The following GPC5 variants were observed in gnomAD, a reference collection of about 807,000 sequenced individuals.
GPC5 encodes glypican-5.
A neutral mutation model predicts 53.9 loss-of-function variants in GPC5; 47 were observed. The observed-to-expected ratio is 0.87, with a 90% CI of 0.69 to 1.11. The LOEUF is 1.11. Among genes scored for constraint, GPC5 ranks in the 50% most tolerant of loss-of-function variants. The probability of loss-of-function intolerance (pLI) is 0.00; values close to 1 mark genes in which losing one functional copy is unlikely to be tolerated. For missense variants in GPC5, 748 were observed against 713.1 expected, an observed-to-expected ratio of 1.05 and a Z score of -0.56; for synonymous variants, 286 against 263.3, an observed-to-expected ratio of 1.09 and a Z score of -0.84.
chr13:91,877,162 G>A (rs939946267), intron 5 of GPC5, among the ~76,000 whole-genome samples: 1 of 152,226 alleles, frequency 6.6e-6, no homozygotes, highest in African/African-American at 2.4e-5. Context: ...CCCTCATGGA[G>A]AACCTCTGCC....
At chr13:92,471,257 T>C (rs74107284) in intron 7 of GPC5, among the ~76,000 whole-genome samples, 3,883 of 152,260 alleles carry the variant, frequency 0.026, 189 homozygotes, top group African/African-American at 0.089. Flanking sequence ...TAGCTTTCTA[T>C]AGTTTTAATC....
chr13:92,799,339 C>A (rs1441645771), intron 7 of GPC5, among the ~76,000 whole-genome samples: 1 of 151,754 alleles, frequency 6.6e-6, no homozygotes, highest in African/African-American at 2.4e-5. Context: ...TAGCAGACTT[C>A]TTTATGTATT....
intron 2 of GPC5, among the ~76,000 whole-genome samples, chr13:91,675,252 A>G (rs928742814): frequency 6.6e-6 from 1 of 152,204 alleles, no homozygotes. Context: ...TAAATTTACA[A>G]TAAGTATAAG....
rs1171130904 is a variant in GPC5 at position 92,847,684 on chromosome 13, A to G, written c.1562-18598A>G. On this transcript the variant is annotated intron_variant, in intron 7 of 7. Coordinates refer to ENST00000377067, the MANE Select transcript of GPC5 (RefSeq NM_004466.6). ...GGTAGTTCTTTATAGCAATGTGAGA[A>G]GAGACTGATACACCCTGTCTTTGTT... Among the ~76,000 whole-genome samples the G allele has an allele frequency of 2.0e-5, 3 of 152,026 alleles. No individual in the cohort carries two copies. The East Asian group carries it at 5.8e-4, about 29-fold the overall frequency.
intron 2 of GPC5, among the ~76,000 whole-genome samples, chr13:91,603,956 T>A (rs2033266721): frequency 6.6e-6 from 1 of 152,004 alleles, no homozygotes; most frequent in Non-Finnish European, 1.5e-5. Context: ...CTAGTTTTTT[T>A]TTTTATTATT....
At chr13:92,356,335 T>C (rs529410347) in intron 7 of GPC5, among the ~76,000 whole-genome samples, 1 of 152,290 alleles carries the variant, frequency 6.6e-6, no homozygotes, top group African/African-American at 2.4e-5. Context: ...GTCGGCCCTA[T>C]TAAGTTCTTT....
intron 7 of GPC5, among the ~76,000 whole-genome samples, chr13:92,148,276 A>C (rs956652080): frequency 6.6e-6 from 1 of 152,056 alleles, no homozygotes; most frequent in Non-Finnish European, 1.5e-5. Context: ...TATTACTTGA[A>C]CTGATTTTCT....
chr13:92,070,529 A>C (rs1459410324), intron 6 of GPC5, among the ~76,000 whole-genome samples: 1 of 152,210 alleles, frequency 6.6e-6, no homozygotes, highest in Non-Finnish European at 1.5e-5. Flanking sequence ...TTTTAAAATT[A>C]GATTTCTAGA....
chr13:92,786,177 T>G (rs1255817407), intron 7 of GPC5, among the ~76,000 whole-genome samples: 1 of 152,116 alleles, frequency 6.6e-6, no homozygotes, highest in Non-Finnish European at 1.5e-5. Context: ...CTCTTTACAT[T>G]AAGGAAACTG....
In GPC5 at chr13:92,114,178, C is replaced by A. The variant is rs115880588; in HGVS notation, c.1402-30652C>A. On this transcript the variant is annotated intron_variant, in intron 6 of 7. Coordinates refer to ENST00000377067, the MANE Select transcript of GPC5 (RefSeq NM_004466.6). ...AAGAGTATAGAAACAGAGCCTTCTC[C>A]TCCAGCTCTTTGTCCTTCTTTGACA... is the stretch of plus-strand genomic sequence containing the variant. Among the ~76,000 whole-genome samples, 457 of 152,204 alleles carry A rather than the reference C, an allele frequency of 3.0e-3. 4 individuals are homozygous for A. Among genetic ancestry groups the A allele is most frequent in the African/African-American group, 0.01 (425 of 41,530 alleles).
At position 92,527,159 on chromosome 13, in the gene GPC5, AGAAAGAAAGAAAGAG is replaced by A. The variant is rs1441033779; in HGVS notation, c.1562-339122_1562-339108del. 6.9e-4 allele frequency among the ~76,000 whole-genome samples: 88 copies of A among 126,950 alleles called. 1 individual carries two copies. Among genetic ancestry groups the A allele is most frequent in the African/African-American group, 2.5e-3 (83 of 32,994 alleles). 83.3% of individuals were successfully genotyped at this position (126,950 alleles called of 152,430 possible). ...AAGAAAGAAAGAAAGAAAGAAAGAA[AGAAAGAAAGAAAGAG>A]AAAGAAAGAAGAAAGAAAGAAAGAA... On this transcript the variant is annotated intron_variant, in intron 7 of 7. Transcript: ENST00000377067.
At chr13:92,521,312 T>A (rs1392268401) in intron 7 of GPC5, among the ~76,000 whole-genome samples, 2 of 152,126 alleles carry the variant, frequency 1.3e-5, no homozygotes, top group Non-Finnish European at 2.9e-5. Flanking sequence ...AGAGCCCACA[T>A]TGCCAAGACA....
intron 6 of GPC5, among the ~76,000 whole-genome samples, chr13:92,054,628 C>T (rs568681552): frequency 6.6e-6 from 1 of 152,164 alleles, no homozygotes; most frequent in African/African-American, 2.4e-5. Context: ...AGTTACACAA[C>T]AAGACCTGCA....
At chr13:91,805,867 T>TAC (rs1365620340) in intron 5 of GPC5, among the ~76,000 whole-genome samples, 1 of 151,990 alleles carries the variant, frequency 6.6e-6, no homozygotes, top group Non-Finnish European at 1.5e-5. Flanking sequence ...AGTACCAGAG[T>TAC]TTTGTTTGGC....
At chr13:92,348,831 C>A (rs530234176) in intron 7 of GPC5, among the ~76,000 whole-genome samples, 4 of 151,952 alleles carry the variant, frequency 2.6e-5, no homozygotes, top group Non-Finnish European at 5.9e-5. Flanking sequence ...ACTAATGGGT[C>A]AATACAATTT....
intron 2 of GPC5, among the ~76,000 whole-genome samples, chr13:91,647,900 A>C (rs1036077686): frequency 6.6e-6 from 1 of 152,220 alleles, no homozygotes; most frequent in Non-Finnish European, 1.5e-5. Context: ...GGGACTATAC[A>C]ACTATCCTCT....
At chr13:92,461,739 A>G (rs1566600643) in intron 7 of GPC5, among the ~76,000 whole-genome samples, 10 of 152,174 alleles carry the variant, frequency 6.6e-5, no homozygotes, top group Admixed American at 6.6e-4. Context: ...GATGATGCCA[A>G]CTTACAAACT....
rs1444678903 is a variant in GPC5 at position 91,771,423 on chromosome 13, A to G, written c.1280+15003A>G. On this transcript the variant is annotated intron_variant, in intron 5 of 7. Coordinates refer to ENST00000377067, the MANE Select transcript of GPC5 (RefSeq NM_004466.6). Reference sequence around the variant, plus strand: ...ACATGTATCAATATTGCAAATACACATGACCTTTGAATCATCTATTTCATC... The same window carrying G: ...ACATGTATCAATATTGCAAATACACGTGACCTTTGAATCATCTATTTCATC... Among the ~76,000 whole-genome samples the G allele has an allele frequency of 2.0e-5, 3 of 152,324 alleles. No homozygotes were observed. In the East Asian group the frequency reaches 5.8e-4, roughly 29 times the overall value.
intron 2 of GPC5, among the ~76,000 whole-genome samples, chr13:91,535,079 C>T (rs187475945): frequency 5.6e-4 from 86 of 152,278 alleles, no homozygotes; most frequent in African/African-American, 1.6e-3. Flanking sequence ...TTTAGCTCTA[C>T]GCCTTTGCTC....
Sources: allele counts gnomAD v4.1 joint callset (sites outside exome capture counted in the v4.1 genomes callset), GRCh38; gene constraint gnomAD v4.1.1; transcripts MANE v1.5; gene names NCBI Gene and HGNC (gene_info 2026-07-23, HGNC 2026-07-21).